The following PCDH15 variants were observed in gnomAD, a reference collection of about 807,000 sequenced individuals.
PCDH15 encodes the protein protocadherin-15.
Under a neutral mutation model 178.5 loss-of-function variants are expected in PCDH15, and 129 were observed. That is an observed-to-expected ratio of 0.72 (90% CI 0.63 to 0.84). The LOEUF (loss-of-function observed/expected upper bound fraction) is 0.84. Among genes scored for constraint, PCDH15 ranks in the 40% least tolerant of loss-of-function variants. The pLI, the probability that PCDH15 is intolerant of heterozygous loss-of-function variation, is 0.00. For synonymous variants in PCDH15, 800 were observed against 732.0 expected (o/e 1.09, Z -1.50); for missense variants, 2,230 against 2,099.9 (o/e 1.06, Z -1.21).
At chr10:55,258,422 C>A (rs1250285804) in intron 1 of PCDH15, among the ~76,000 whole-genome samples, 1 of 152,118 alleles carries the variant, frequency 6.6e-6, no homozygotes, top group African/African-American at 2.4e-5. Context: ...AATTTAAATT[C>A]CACATTTGTC....
chr10:54,517,177 A>C (rs1344548949), intron 3 of PCDH15, among the ~76,000 whole-genome samples: 1 of 152,196 alleles, frequency 6.6e-6, no homozygotes, highest in Non-Finnish European at 1.5e-5. Context: ...ACCAGCTAAC[A>C]TCATAATGAC....
intron 16 of PCDH15, among the ~76,000 whole-genome samples, chr10:54,087,188 C>T (rs2094528558): frequency 6.7e-6 from 1 of 150,018 alleles, no homozygotes; most frequent in African/African-American, 2.4e-5. Context: ...ATAAAATCCA[C>T]CAATTTAAAG....
chr10:54,556,584 T>C (rs939352224), intron 2 of PCDH15, among the ~76,000 whole-genome samples: 97 of 152,214 alleles, frequency 6.4e-4, no homozygotes, highest in African/African-American at 2.0e-3. Context: ...AACACTTTTT[T>C]TTTTTCTAAA....
intron 18 of PCDH15, among the ~76,000 whole-genome samples, chr10:54,056,216 A>T (rs965781923): frequency 2.0e-5 from 3 of 152,168 alleles, no homozygotes; most frequent in African/African-American, 4.8e-5. Flanking sequence ...CATCACTTAG[A>T]GTATTTACCA....
chr10:54,519,237 A>T (rs1311025702), intron 3 of PCDH15, among the ~76,000 whole-genome samples: 1 of 152,144 alleles, frequency 6.6e-6, no homozygotes, highest in Non-Finnish European at 1.5e-5. Flanking sequence ...GAAGAAAACA[A>T]AGGGTATTCA....
chr10:54,241,278 T>C (rs1269232486), intron 8 of PCDH15, among the ~76,000 whole-genome samples: 2 of 152,210 alleles, frequency 1.3e-5, no homozygotes, highest in African/African-American at 2.4e-5. Flanking sequence ...CTCCTAGTTT[T>C]TGACTTTACT....
chr10:55,301,834 A>G (rs1843289129), intron 1 of PCDH15, among the ~76,000 whole-genome samples: 1 of 152,156 alleles, frequency 6.6e-6, no homozygotes. Flanking sequence ...AGCAAAATTT[A>G]TTAAAAAGGC....
intron 23 of PCDH15, among the ~76,000 whole-genome samples, chr10:53,950,374 A>C (rs1006199339): frequency 3.9e-5 from 6 of 152,138 alleles, no homozygotes; most frequent in Admixed American, 3.9e-4. Flanking sequence ...TTAAAAATTA[A>C]CATGAATGTG....
intron 2 of PCDH15, among the ~76,000 whole-genome samples, chr10:55,449,537 A>T (rs911714662): frequency 4.6e-5 from 7 of 152,136 alleles, no homozygotes; most frequent in Non-Finnish European, 1.0e-4. Context: ...ATGCAAAATA[A>T]CAGGTGAATA....
intron 9 of PCDH15, among the ~76,000 whole-genome samples, chr10:54,223,880 C>T (rs1019421944): frequency 6.6e-6 from 1 of 152,044 alleles, no homozygotes; most frequent in Non-Finnish European, 1.5e-5. Context: ...AAACAAAGTC[C>T]TTTCAATAAA....
At chr10:54,545,721 T>C (rs1331943804) in intron 2 of PCDH15, among the ~76,000 whole-genome samples, 2 of 151,208 alleles carry the variant, frequency 1.3e-5, no homozygotes, top group Non-Finnish European at 2.9e-5. Context: ...AAAGTACTTA[T>C]AATAGTAAAA....
chr10:54,307,918 A>G (rs1175903148), intron 8 of PCDH15, among the ~76,000 whole-genome samples: 1 of 152,014 alleles, frequency 6.6e-6, no homozygotes, highest in East Asian at 1.9e-4. Flanking sequence ...GCCAATAATA[A>G]TAGTAACAAT....
At position 54,034,521 on chromosome 10, in the gene PCDH15, T is replaced by A. The variant is rs182869268; in HGVS notation, c.2221-11324A>T. On this transcript the variant is annotated intron_variant, in intron 18 of 37. Coordinates refer to ENST00000644397, the MANE Select transcript of PCDH15 (RefSeq NM_001384140.1). The stretch of plus-strand genomic sequence containing the variant: ...AACAATTCACTGAAGTAACTGAGGA[T>A]CATGTTTTCTAATGTCTTGTCCAAC... 1.2e-4 allele frequency among the ~76,000 whole-genome samples: 18 copies of A among 152,086 alleles called. No homozygotes were observed. In the East Asian group the frequency reaches 1.7e-3, roughly 15 times the overall value.
chr10:54,102,098 TA>T (rs1217331059), intron 15 of PCDH15, among the ~76,000 whole-genome samples: 31 of 152,168 alleles, frequency 2.0e-4, no homozygotes, highest in Non-Finnish European at 7.3e-5. Flanking sequence ...TAAATCTCAC[TA>T]AGAATTGTGA....
intron 5 of PCDH15, among the ~76,000 whole-genome samples, chr10:54,354,112 A>G (rs980587437): frequency 1.3e-5 from 2 of 152,126 alleles, no homozygotes; most frequent in Non-Finnish European, 2.9e-5. Context: ...CAGCCTCCCA[A>G]GTAGCTGGGA....
intron 2 of PCDH15, among the ~76,000 whole-genome samples, chr10:55,059,912 A>G (rs1041991178): frequency 1.3e-5 from 2 of 152,050 alleles, no homozygotes; most frequent in Admixed American, 6.6e-5. Context: ...ATGAATAGAA[A>G]TAATATCATA....
At position 55,054,285 on chromosome 10, in the gene PCDH15, T is replaced by G. The variant is rs1432155972; in HGVS notation, c.-80+112291A>C. ...AAGTGAGAATAGGTGGCATTTAGTTTTCTGTTCCTGCATGAGTTTGCTAAA... is the reference window on the plus strand; with the variant it reads ...AAGTGAGAATAGGTGGCATTTAGTTGTCTGTTCCTGCATGAGTTTGCTAAA... On this transcript the variant is annotated intron_variant, in intron 2 of 5. Coordinates refer to the PCDH15 transcript ENST00000458638. Among the ~76,000 whole-genome samples the G allele has an allele frequency of 2.6e-5, 4 of 152,298 alleles. No homozygotes were observed. The East Asian group carries it at 7.7e-4, about 29-fold the overall frequency.
chr10:55,353,636 A>G (rs969945132), intron 2 of PCDH15, among the ~76,000 whole-genome samples: 3 of 152,066 alleles, frequency 2.0e-5, no homozygotes, highest in Non-Finnish European at 2.9e-5. Flanking sequence ...TTGCTATAGC[A>G]CTGAGTCCTG....
At chr10:54,370,347 T>C (rs1286972574) in intron 4 of PCDH15, among the ~76,000 whole-genome samples, 1 of 152,012 alleles carries the variant, frequency 6.6e-6, no homozygotes, top group Non-Finnish European at 1.5e-5. Context: ...TCAAATTTCT[T>C]CCAATTTATT....
Sources: allele counts gnomAD v4.1 joint callset (sites outside exome capture counted in the v4.1 genomes callset), GRCh38; gene constraint gnomAD v4.1.1; transcripts MANE v1.5; gene names NCBI Gene and HGNC (gene_info 2026-07-23, HGNC 2026-07-21).